The following RAB3C variants were observed in gnomAD, a reference collection of about 807,000 sequenced individuals.
The protein encoded by RAB3C is ras-related protein Rab-3C.
Under a neutral mutation model 26.4 loss-of-function variants are expected in RAB3C, and 17 were observed. That is an observed-to-expected ratio of 0.64 (90% CI 0.44 to 0.97). The LOEUF (loss-of-function observed/expected upper bound fraction) is 0.97. Ranked by LOEUF, RAB3C falls within the 50% of genes least tolerant of loss-of-function variation. The pLI, the probability that RAB3C is intolerant of heterozygous loss-of-function variation, is 0.00. For missense variants in RAB3C, 242 were observed against 281.9 expected, an observed-to-expected ratio of 0.86 and a Z score of 1.01; for synonymous variants, 91 against 95.9, an observed-to-expected ratio of 0.95 and a Z score of 0.30.
In RAB3C at chr5:58,606,213, C is replaced by T. The variant is rs113994733; in HGVS notation, c.25-11430C>T. Among the ~76,000 whole-genome samples, 834 of 152,332 alleles carry T rather than the reference C, an allele frequency of 5.5e-3. 3 individuals are homozygous for T. Among genetic ancestry groups the T allele is most frequent in the African/African-American group, 7.2e-3 (299 of 41,576 alleles). On this transcript the variant is annotated intron_variant, in intron 1 of 4. Transcript: ENST00000282878. ...CTGCCCAAATACTGTGCTTCTCCCACGGTCTTAGCAACAGGCAGACCAGGA... is the reference window on the plus strand; with the variant it reads ...CTGCCCAAATACTGTGCTTCTCCCATGGTCTTAGCAACAGGCAGACCAGGA...
At chr5:58,724,575 C>T (rs1172427982) in intron 2 of RAB3C, among the ~76,000 whole-genome samples, 2 of 151,628 alleles carry the variant, frequency 1.3e-5, no homozygotes, top group African/African-American at 4.8e-5. Context: ...CAATAAAAAG[C>T]TCAGATTTTA....
intron 3 of RAB3C, among the ~76,000 whole-genome samples, chr5:58,801,543 T>C (rs1005548286): frequency 6.6e-6 from 1 of 152,240 alleles, no homozygotes; most frequent in African/African-American, 2.4e-5. Flanking sequence ...TGAAGTTCTT[T>C]ATCATTGGAC....
intron 2 of RAB3C, among the ~76,000 whole-genome samples, chr5:58,667,078 C>T (rs1025764619): frequency 6.6e-6 from 1 of 152,078 alleles, no homozygotes; most frequent in African/African-American, 2.4e-5. Flanking sequence ...AAGTTGCTTT[C>T]CCAATGTCTT....
intron 2 of RAB3C, among the ~76,000 whole-genome samples, chr5:58,688,111 T>C (rs1748484671): frequency 6.6e-6 from 1 of 152,148 alleles, no homozygotes; most frequent in African/African-American, 2.4e-5. Context: ...GGTATGGATG[T>C]TTAATAACCT....
intron 3 of RAB3C, among the ~76,000 whole-genome samples, chr5:58,820,538 A>G (rs1278083751): frequency 6.6e-6 from 1 of 152,110 alleles, no homozygotes; most frequent in East Asian, 1.9e-4. Context: ...AAATTAACCA[A>G]CTCTAATGGC....
intron 2 of RAB3C, among the ~76,000 whole-genome samples, chr5:58,635,712 C>A (rs1747276748): frequency 6.6e-6 from 1 of 152,122 alleles, no homozygotes; most frequent in Non-Finnish European, 1.5e-5. Flanking sequence ...TAGTTGTCCC[C>A]TGAGCATTTG....
In RAB3C at chr5:58,858,301, G is replaced by C. The variant is rs1175313875; in HGVS notation, c.*6950G>C. On this transcript the variant is annotated 3_prime_UTR_variant, in exon 5 of 5. Transcript: ENST00000282878. ...GAAGGTGGGTAAAATAGGGAGATTA[G>C]TGACAACTTTGTGCCAAATTTTTTA... is the stretch of plus-strand genomic sequence containing the variant. 2 of 152,156 alleles carry C rather than the reference G, an allele frequency of 1.3e-5. No homozygotes were observed. Among genetic ancestry groups the C allele is most frequent in the Admixed American group, 6.6e-5 (1 of 15,264 alleles). The allele number at this position is 152,156 out of a possible 1,614,324, so 9.4% of individuals were successfully genotyped here.
At chr5:58,782,680 T>G (rs1233160038) in intron 3 of RAB3C, among the ~76,000 whole-genome samples, 1 of 152,168 alleles carries the variant, frequency 6.6e-6, no homozygotes, top group Non-Finnish European at 1.5e-5. Flanking sequence ...ACTTTGCATT[T>G]CTAAAGTACA....
intron 4 of RAB3C, chr5:58,846,746 C>T (rs143192774): frequency 3.3e-5 from 5 of 151,868 alleles, no homozygotes; most frequent in Non-Finnish European, 2.9e-5. Flanking sequence ...GAATCACAGC[C>T]GTTTGTCACT....
intron 2 of RAB3C, among the ~76,000 whole-genome samples, chr5:58,712,557 C>G (rs1749081897): frequency 6.6e-6 from 1 of 152,128 alleles, no homozygotes; most frequent in Non-Finnish European, 1.5e-5. Flanking sequence ...CAGAGTCTGG[C>G]TCTATCACCC....
At chr5:58,639,616 C>T (rs1055080815) in intron 2 of RAB3C, among the ~76,000 whole-genome samples, 2 of 152,160 alleles carry the variant, frequency 1.3e-5, no homozygotes, top group Non-Finnish European at 2.9e-5. Flanking sequence ...GTTTACCTTC[C>T]ACAGGCCTCG....
intron 2 of RAB3C, among the ~76,000 whole-genome samples, chr5:58,664,118 G>A (rs1242812442): frequency 1.3e-5 from 2 of 152,150 alleles, no homozygotes; most frequent in African/African-American, 4.8e-5. Flanking sequence ...ATCAATTGCT[G>A]AACATTTATC....
chr5:58,778,504 C>T (rs1742199532), intron 3 of RAB3C, among the ~76,000 whole-genome samples: 1 of 152,128 alleles, frequency 6.6e-6, no homozygotes. Context: ...TGAATCTCAA[C>T]TAATCCAGTG....
intron 2 of RAB3C, among the ~76,000 whole-genome samples, chr5:58,698,021 G>A (rs191856187): frequency 6.6e-6 from 1 of 152,136 alleles, no homozygotes; most frequent in African/African-American, 2.4e-5. Context: ...AGCATCGATG[G>A]TCTTTACAAT....
At chr5:58,603,268 G>GT (rs1746495551) in intron 1 of RAB3C, among the ~76,000 whole-genome samples, 1 of 152,040 alleles carries the variant, frequency 6.6e-6, no homozygotes. Flanking sequence ...TCTTAACTTT[G>GT]AATAACCTGA....
At chr5:58,674,960 C>T (rs1748193153) in intron 2 of RAB3C, among the ~76,000 whole-genome samples, 1 of 152,084 alleles carries the variant, frequency 6.6e-6, no homozygotes, top group Non-Finnish European at 1.5e-5. Context: ...CATTTGTTTC[C>T]CTGAAGCTCA....
intron 4 of RAB3C, among the ~76,000 whole-genome samples, chr5:58,836,445 T>G (rs1010722272): frequency 6.6e-6 from 1 of 152,172 alleles, no homozygotes; most frequent in Non-Finnish European, 1.5e-5. Context: ...TTAACTACAG[T>G]TATCCTACAG....
chr5:58,683,569 C>A (rs186298883), intron 2 of RAB3C, among the ~76,000 whole-genome samples: 1 of 152,292 alleles, frequency 6.6e-6, no homozygotes, highest in East Asian at 1.9e-4. Context: ...ATAGTTGTTC[C>A]CCCTTATCCA....
chr5:58,798,258 G>C (rs1302697139), intron 3 of RAB3C, among the ~76,000 whole-genome samples: 2 of 151,996 alleles, frequency 1.3e-5, no homozygotes, highest in East Asian at 3.9e-4. Flanking sequence ...ACTATAAGAG[G>C]TACAGTCTCA....
Sources: gnomAD v4.1 joint callset for allele counts (sites outside exome capture counted in the v4.1 genomes callset) on GRCh38, gnomAD v4.1.1 for gene constraint, MANE v1.5 for transcripts, NCBI Gene and HGNC (gene_info 2026-07-23, HGNC 2026-07-21) for gene names.